Variants in CLVS1 observed in about 807,000 individuals in gnomAD.
CLVS1 encodes clavesin-1.
In CLVS1, 10 loss-of-function variants were observed where a neutral mutation model predicts 33.1. The observed-to-expected ratio is 0.30, with a 90% CI of 0.19 to 0.51. CLVS1 has a LOEUF of 0.51. Ranked by LOEUF, CLVS1 falls within the 20% of genes least tolerant of loss-of-function variation. CLVS1 has a pLI of 0.97. For synonymous variants in CLVS1, 163 were observed against 166.1 expected, an observed-to-expected ratio of 0.98 and a Z score of 0.14; for missense variants, 343 against 433.4, an observed-to-expected ratio of 0.79 and a Z score of 1.85.
rs1398779516 is a variant in CLVS1 at position 61,074,233 on chromosome 8, G to A, written c.-243+17003G>A. 4.0e-5 allele frequency among the ~76,000 whole-genome samples: 6 copies of A among 150,688 alleles called. No individual in the cohort carries two copies. The South Asian group carries it at 1.2e-3, about 31-fold the overall frequency. ...CATGCCTGTAGTCCCAGCTACTTGG[G>A]AGGCTGAGGTGAGAGGACTGATTGA... On this transcript the variant is annotated intron_variant, in intron 1 of 2. Transcript: ENST00000522621.
intron 1 of CLVS1, among the ~76,000 whole-genome samples, chr8:61,065,854 A>T (rs1326656433): frequency 6.6e-6 from 1 of 152,176 alleles, no homozygotes; most frequent in South Asian, 2.1e-4. Flanking sequence ...AAAATTGGAG[A>T]TGACTTAAAC....
chr8:61,315,569 T>C (rs1810979369), intron 2 of CLVS1, among the ~76,000 whole-genome samples: 2 of 152,154 alleles, frequency 1.3e-5, no homozygotes. Context: ...AGTACCCAGA[T>C]ACTCACAGAT....
chr8:61,280,398 G>T (rs1809646234), intron 2 of CLVS1, among the ~76,000 whole-genome samples: 1 of 152,180 alleles, frequency 6.6e-6, no homozygotes. Context: ...ACAACTTTTA[G>T]TGCTCCAAAA....
At chr8:61,348,069 C>T (rs1362570805) in intron 2 of CLVS1, among the ~76,000 whole-genome samples, 2 of 151,798 alleles carry the variant, frequency 1.3e-5, no homozygotes, top group African/African-American at 4.8e-5. Flanking sequence ...TTTATTATTC[C>T]TATGAAACTG....
chr8:61,042,938 T>C, the CLVS1 span, among the ~76,000 whole-genome samples: 1 of 152,220 alleles, frequency 6.6e-6, no homozygotes, highest in East Asian at 1.9e-4. Flanking sequence ...CAGTTCTCCT[T>C]TAAAGGCACA....
chr8:61,468,207 C>T (rs2172495), intron 5 of CLVS1, among the ~76,000 whole-genome samples: 131,550 of 152,180 alleles, frequency 0.86, 57,108 homozygotes, highest in Middle Eastern at 0.92. Context: ...TCAAGGCCCC[C>T]AACTTTGAGT....
intron 2 of CLVS1, among the ~76,000 whole-genome samples, chr8:61,180,352 C>T (rs1439489610): frequency 6.6e-6 from 1 of 152,086 alleles, no homozygotes; most frequent in Non-Finnish European, 1.5e-5. Flanking sequence ...TAATTAATAG[C>T]CTACCCACTA....
chr8:61,174,433 CAAAAAACA>C (rs1388463701), intron 2 of CLVS1, among the ~76,000 whole-genome samples: 1 of 107,390 alleles, frequency 9.3e-6, no homozygotes, highest in South Asian at 3.1e-4. Context: ...GAGACTGTCT[CAAAAAACA>C]AACAAACAAA....
chr8:61,292,117 GT>G (rs5891799), intron 1 of CLVS1: 138,832 of 251,026 alleles, frequency 0.55, 35,198 homozygotes, highest in African/African-American at 0.83. Context: ...GCAAAGAAAA[GT>G]TTTTTTTTTT....
intron 2 of CLVS1, among the ~76,000 whole-genome samples, chr8:61,275,895 T>C (rs1387771224): frequency 1.3e-5 from 2 of 152,246 alleles, no homozygotes; most frequent in Non-Finnish European, 2.9e-5. Context: ...GCAATATTTC[T>C]TTATGTCAAC....
chr8:61,371,484 A>G (rs1476907666), intron 2 of CLVS1, among the ~76,000 whole-genome samples: 1 of 152,192 alleles, frequency 6.6e-6, no homozygotes, highest in Non-Finnish European at 1.5e-5. Context: ...AAATTAGTAC[A>G]GGAATATGCC....
intron 3 of CLVS1, among the ~76,000 whole-genome samples, chr8:61,445,403 C>T (rs1350681679): frequency 6.6e-6 from 1 of 152,090 alleles, no homozygotes; most frequent in Non-Finnish European, 1.5e-5. Flanking sequence ...TGACTTCTCA[C>T]TCTAGTTCCT....
chr8:61,011,533 C>T, the CLVS1 span, among the ~76,000 whole-genome samples: 1 of 152,108 alleles, frequency 6.6e-6, no homozygotes, highest in African/African-American at 2.4e-5. Context: ...ACTGCAACAT[C>T]CACCTCTTGG....
At chr8:61,029,419 C>G in the CLVS1 span, among the ~76,000 whole-genome samples, 1 of 152,034 alleles carries the variant, frequency 6.6e-6, no homozygotes, top group Non-Finnish European at 1.5e-5. Context: ...GGGATGTGAG[C>G]AGGTGAGTGG....
intron 1 of CLVS1, among the ~76,000 whole-genome samples, chr8:61,117,650 C>T (rs1396625974): frequency 5.9e-5 from 9 of 151,552 alleles, no homozygotes; most frequent in African/African-American, 1.7e-4. Flanking sequence ...TTGTCTTTGG[C>T]TCTGTTTATA....
At chr8:61,199,985 G>T (rs1288570231) in intron 2 of CLVS1, among the ~76,000 whole-genome samples, 1 of 152,104 alleles carries the variant, frequency 6.6e-6, no homozygotes, top group Admixed American at 6.5e-5. Context: ...GCATTGAGCA[G>T]GCAAGGACAA....
intron 2 of CLVS1, among the ~76,000 whole-genome samples, chr8:61,347,181 G>C (rs1812251826): frequency 3.3e-5 from 5 of 152,162 alleles, no homozygotes; most frequent in Admixed American, 2.6e-4. Flanking sequence ...AGCAGTAGCA[G>C]GCCATGGAGG....
chr8:61,464,470 G>C (rs1817477033), intron 5 of CLVS1: 1 of 152,190 alleles, frequency 6.6e-6, no homozygotes, highest in Non-Finnish European at 1.5e-5. Context: ...CTTTCATCCA[G>C]GTAGGAAAGA....
intron 5 of CLVS1, among the ~76,000 whole-genome samples, chr8:61,472,760 C>G (rs1456156491): frequency 6.6e-6 from 1 of 151,956 alleles, no homozygotes; most frequent in Non-Finnish European, 1.5e-5. Context: ...AGATTTTATG[C>G]GTTCAAATTA....
Sources: gnomAD v4.1 joint callset for allele counts (sites outside exome capture counted in the v4.1 genomes callset) on GRCh38, gnomAD v4.1.1 for gene constraint, MANE v1.5 for transcripts, NCBI Gene and HGNC (gene_info 2026-07-23, HGNC 2026-07-21) for gene names.